FAM169A: variants seen among roughly 807,000 people sequenced by gnomAD.
The protein encoded by FAM169A is family with sequence similarity 169 member A.
FAM169A carries 24 observed loss-of-function variants against 75.7 expected under a neutral mutation model. The observed-to-expected ratio is 0.32, with a 90% CI of 0.23 to 0.45. The LOEUF is 0.45. Among genes scored for constraint, FAM169A ranks in the 20% least tolerant of loss-of-function variants. The pLI, the probability that FAM169A is intolerant of heterozygous loss-of-function variation, is 1.00. For synonymous variants in FAM169A, 271 were observed against 271.0 expected, an observed-to-expected ratio of 1.00 and a Z score of 0.00; for missense variants, 673 against 784.0, an observed-to-expected ratio of 0.86 and a Z score of 1.69.
rs1408951921 is a variant in FAM169A, at chr5:74,778,917, C to T, written c.*2543G>A. On this transcript the variant is annotated 3_prime_UTR_variant, in exon 13 of 13. Transcript: ENST00000687041. ...TTTTTCTAATGCCTTGCAAAAACTA[C>T]AGATAACTGATTAAGTTCATGTAGG... 1 of 152,048 alleles carries T rather than the reference C, an allele frequency of 6.6e-6. No homozygotes were observed. Among genetic ancestry groups the T allele is most frequent in the African/African-American group, 2.4e-5 (1 of 41,444 alleles). The allele number at this position is 152,048 out of a possible 1,614,324, so 9.4% of individuals were successfully genotyped here.
chr5:74,804,997 C>G (rs1746790187), intron 7 of FAM169A, among the ~76,000 whole-genome samples, 159 bp downstream of exon 7: 1 of 152,168 alleles, frequency 6.6e-6, no homozygotes, highest in Non-Finnish European at 1.5e-5. Flanking sequence ...ACAAGAGAGT[C>G]TGTTACTAGA....
At chr5:74,862,406 C>T (rs1750084417) in intron 1 of FAM169A, among the ~76,000 whole-genome samples, 1 of 152,196 alleles carries the variant, frequency 6.6e-6, no homozygotes, top group African/African-American at 2.4e-5. Flanking sequence ...CTGGGACTGT[C>T]TCTCGTCATA....
intron 11 of FAM169A, among the ~76,000 whole-genome samples, chr5:74,795,525 A>AT (rs149419890): frequency 6.6e-6 from 1 of 151,942 alleles, no homozygotes; most frequent in Non-Finnish European, 1.5e-5. Context: ...GGGTTTATAT[A>AT]TTTTTTTCTA....
intron 1 of FAM169A, among the ~76,000 whole-genome samples, chr5:74,843,387 A>C (rs1417067860): frequency 2.0e-5 from 3 of 152,188 alleles, no homozygotes; most frequent in Non-Finnish European, 4.4e-5. Context: ...ATTTGAAAGA[A>C]CAGACAAGCA....
chr5:74,826,135 G>C (rs1259266789), intron 5 of FAM169A, among the ~76,000 whole-genome samples: 1 of 151,876 alleles, frequency 6.6e-6, no homozygotes, highest in Admixed American at 6.6e-5. Flanking sequence ...AACTCTATTG[G>C]ATTTGTTTTA....
chr5:74,799,792 G>C (rs1041406691), intron 10 of FAM169A: 3 of 1,096,038 alleles, frequency 2.7e-6, no homozygotes, highest in Non-Finnish European at 4.2e-6. Context: ...GGCCATGACT[G>C]CTGACCAATG....
intron 2 of FAM169A, among the ~76,000 whole-genome samples, chr5:74,840,588 G>C (rs1748806918): frequency 6.6e-6 from 1 of 151,382 alleles, no homozygotes; most frequent in African/African-American, 2.4e-5. Context: ...CAGCACTCTG[G>C]GGAGGCCAAG....
At chr5:74,848,802 T>G (rs2112703207) in intron 1 of FAM169A, 1 of 152,310 alleles carries the variant, frequency 6.6e-6, no homozygotes, top group Middle Eastern at 3.4e-3. Context: ...GCTACTATAG[T>G]TTAGAGAGGC....
At position 74,866,218 on chromosome 5, in the gene FAM169A, C is replaced by A; in HGVS notation, c.-57G>T. On this transcript the variant is annotated 5_prime_UTR_variant, in exon 1 of 13. Transcript: ENST00000687041. ...GAGCCCGGGAAAGGAGGCGGAGCCGCGCGAATGAATGGAGCCGGCGGCTGC... is the reference window on the plus strand; with the variant it reads ...GAGCCCGGGAAAGGAGGCGGAGCCGAGCGAATGAATGGAGCCGGCGGCTGC... 5 of 984,346 alleles carry A rather than the reference C, an allele frequency of 5.1e-6. No homozygotes were observed. The highest frequency in any genetic ancestry group is 6.0e-6 in the Non-Finnish European group (5 of 829,574). The allele number at this position is 984,346 out of a possible 1,614,324, so 61.0% of individuals were successfully genotyped here.
intron 10 of FAM169A, chr5:74,799,611 G>T: frequency 2.1e-6 from 3 of 1,442,770 alleles, no homozygotes; most frequent in South Asian, 2.3e-5. Flanking sequence ...CTGGTGGCTG[G>T]GTCCACGGGG....
At chr5:74,829,824 T>G (rs1748219521) in intron 5 of FAM169A, among the ~76,000 whole-genome samples, 1 of 151,846 alleles carries the variant, frequency 6.6e-6, no homozygotes. Context: ...AAATACAAAA[T>G]TAGCCGGGCG....
chr5:74,782,014 A>T lies in FAM169A; in HGVS notation c.1465-6T>A. ...GAGTCAGGTATACGTGGGGTCTGAA[A>T]ATTAAAAACCTGGTCAACAAATAAA... On this transcript the variant is annotated splice_region_variant and splice_polypyrimidine_tract_variant and intron_variant, in intron 12 of 12. Transcript: ENST00000687041. The T allele has an allele frequency of 6.3e-7, 1 of 1,591,368 alleles. No homozygotes were observed. Among genetic ancestry groups the T allele is most frequent in the Non-Finnish European group, 8.6e-7 (1 of 1,167,944 alleles).
intron 10 of FAM169A, among the ~76,000 whole-genome samples, 190 bp from the exon 11 acceptor site, chr5:74,796,376 C>G (rs1746274650): frequency 6.6e-6 from 1 of 151,758 alleles, no homozygotes; most frequent in South Asian, 2.1e-4. Flanking sequence ...AAACTAGACC[C>G]TTCTTCTTTT....
At chr5:74,809,618 C>T (rs1747070096) in intron 6 of FAM169A, among the ~76,000 whole-genome samples, 2 of 152,128 alleles carry the variant, frequency 1.3e-5, no homozygotes, top group South Asian at 4.1e-4. Context: ...TAACTCATAA[C>T]TCAATAAGAA....
chr5:74,828,994 A>G (rs1238729997), intron 5 of FAM169A, among the ~76,000 whole-genome samples: 2 of 152,224 alleles, frequency 1.3e-5, no homozygotes, highest in East Asian at 3.9e-4. Context: ...GCAAGAGTAC[A>G]TGTATGACTT....
intron 5 of FAM169A, among the ~76,000 whole-genome samples, chr5:74,825,538 C>T (rs919845435): frequency 9.2e-5 from 14 of 152,168 alleles, no homozygotes; most frequent in African/African-American, 3.1e-4. Flanking sequence ...CTAATCCCAT[C>T]TTTCCTTCTT....
chr5:74,839,662 T>C (rs111716853), intron 3 of FAM169A, among the ~76,000 whole-genome samples: 126 of 152,074 alleles, frequency 8.3e-4, no homozygotes, highest in African/African-American at 2.9e-3. Context: ...GTAGCTGGGA[T>C]TACAGGCATG....
intron 1 of FAM169A, among the ~76,000 whole-genome samples, chr5:74,854,119 C>T (rs988897289): frequency 5.3e-5 from 8 of 151,988 alleles, no homozygotes; most frequent in Admixed American, 2.0e-4. Context: ...ATAGGTCAGG[C>T]GCAGTGGCTC....
intron 2 of FAM169A, 123 bp from the exon 3 acceptor site, chr5:74,840,296 A>T (rs1395315626): frequency 1.1e-5 from 5 of 460,534 alleles, no homozygotes; most frequent in African/African-American, 1.0e-4. Context: ...TATAGGAGAC[A>T]TTATTTCTAG....
Sources: allele counts gnomAD v4.1 joint callset (sites outside exome capture counted in the v4.1 genomes callset), GRCh38; gene constraint gnomAD v4.1.1; transcripts MANE v1.5; gene names NCBI Gene and HGNC (gene_info 2026-07-23, HGNC 2026-07-21).